UBXN4: variants seen among roughly 807,000 people sequenced by gnomAD.
The protein encoded by UBXN4 is UBX domain protein 4.
In UBXN4, 35 loss-of-function variants were observed where a neutral mutation model predicts 66.2. That is an observed-to-expected ratio of 0.53 (90% CI 0.40 to 0.70). UBXN4 has a LOEUF of 0.70. UBXN4 is among the 30% of genes least tolerant of loss of function. UBXN4 has a pLI of 0.00. For synonymous variants in UBXN4, 203 were observed against 204.5 expected (o/e 0.99, Z 0.06); for missense variants, 533 against 599.8 (o/e 0.89, Z 1.16).
chr2:135,743,630 A>G (rs1406305736), intron 1 of UBXN4, among the ~76,000 whole-genome samples: 3 of 152,220 alleles, frequency 2.0e-5, no homozygotes, highest in Non-Finnish European at 4.4e-5. Context: ...AAAAAACTGA[A>G]CAATTTGTAA....
chr2:135,745,134 C>T (rs148989256), intron 1 of UBXN4, among the ~76,000 whole-genome samples: 10 of 152,328 alleles, frequency 6.6e-5, no homozygotes, highest in Non-Finnish European at 1.0e-4. Flanking sequence ...GTGTTTCTCC[C>T]AGTGTTCTGC....
intron 6 of UBXN4, 130 bp downstream of exon 6, chr2:135,762,041 CCTAA>C (rs1391809596): frequency 1.1e-5 from 10 of 888,984 alleles, no homozygotes; most frequent in South Asian, 7.0e-5. Flanking sequence ...TTTTTGATCA[CCTAA>C]CTAATTTGTA....
intron 12 of UBXN4, among the ~76,000 whole-genome samples, chr2:135,780,657 C>T (rs1255259501): frequency 6.6e-6 from 1 of 152,152 alleles, no homozygotes; most frequent in African/African-American, 2.4e-5. Context: ...GTTTCTTTAC[C>T]CCATAACTAT....
At chr2:135,751,932 C>T (rs1050179448) in intron 2 of UBXN4, among the ~76,000 whole-genome samples, 4 of 152,164 alleles carry the variant, frequency 2.6e-5, no homozygotes, top group African/African-American at 9.7e-5. Flanking sequence ...CCATCCCTGA[C>T]CACTCAGCTC....
intron 6 of UBXN4, among the ~76,000 whole-genome samples, chr2:135,768,644 A>C (rs2077362242): frequency 6.6e-6 from 1 of 150,956 alleles, no homozygotes; most frequent in Non-Finnish European, 1.5e-5. Context: ...GCTCACTGCA[A>C]CTTCCGCCTC....
intron 1 of UBXN4, chr2:135,747,580 G>A: frequency 2.2e-6 from 1 of 456,404 alleles, no homozygotes; most frequent in South Asian, 1.5e-5. Context: ...AAATGCTGTG[G>A]AGTGGAGATG....
chr2:135,779,117 G>T, intron 11 of UBXN4, 38 bp downstream of exon 11: 1 of 1,537,852 alleles, frequency 6.5e-7, no homozygotes, highest in Non-Finnish European at 8.7e-7. Flanking sequence ...TCTTCTTATT[G>T]TTTTCTGTTT....
At chr2:135,776,802 CG>C (rs1374396413) in intron 10 of UBXN4, among the ~76,000 whole-genome samples, 6 of 152,294 alleles carry the variant, frequency 3.9e-5, no homozygotes, top group Admixed American at 3.3e-4. Context: ...ACCATGTAGC[CG>C]GGCTGGTCTT....
chr2:135,781,206 A>G (rs7605377), intron 12 of UBXN4, among the ~76,000 whole-genome samples: 148,504 of 152,360 alleles, frequency 0.97, 72,483 homozygotes, highest in East Asian at 1. Flanking sequence ...GTGACAGAGT[A>G]AGAGTGAGAT....
intron 6 of UBXN4, among the ~76,000 whole-genome samples, chr2:135,765,380 T>G (rs1455952240): frequency 6.6e-6 from 1 of 151,898 alleles, no homozygotes; most frequent in Non-Finnish European, 1.5e-5. Flanking sequence ...CGGCTAATTT[T>G]TATATTTTTA....
At chr2:135,759,940 G>A (rs1417987231) in intron 5 of UBXN4, among the ~76,000 whole-genome samples, 1 of 151,760 alleles carries the variant, frequency 6.6e-6, no homozygotes, top group African/African-American at 2.4e-5. Flanking sequence ...AGCTGATTTT[G>A]TATTTTTAGT....
intron 6 of UBXN4, 63 bp from the exon 7 acceptor site, chr2:135,769,706 A>G (rs1575321449): frequency 2.4e-6 from 3 of 1,237,370 alleles, no homozygotes; most frequent in South Asian, 1.5e-5. Context: ...TCCATCTCCT[A>G]AATGTGTTTT....
At chr2:135,742,951 G>C (rs533895298) in intron 1 of UBXN4, among the ~76,000 whole-genome samples, 26 of 152,198 alleles carry the variant, frequency 1.7e-4, no homozygotes, top group African/African-American at 6.3e-4. Context: ...AGGCTATTTT[G>C]CTCCATATTC....
intron 5 of UBXN4, among the ~76,000 whole-genome samples, chr2:135,757,341 ATTTC>A (rs1215587693): frequency 6.6e-6 from 1 of 152,144 alleles, no homozygotes; most frequent in East Asian, 1.9e-4. Flanking sequence ...TAGGATTTCT[ATTTC>A]TTTCTCTCTT....
At chr2:135,754,514 G>T (rs1215971921) in intron 4 of UBXN4, among the ~76,000 whole-genome samples, 1 of 152,024 alleles carries the variant, frequency 6.6e-6, no homozygotes, top group Admixed American at 6.6e-5. Flanking sequence ...GTAGAGACAG[G>T]GTTTCACCAT....
At position 135,784,591 on chromosome 2, in the gene UBXN4, A is replaced by ATT. The variant is rs2077471914; in HGVS notation, c.*1704_*1705insTT. The ATT allele has an allele frequency of 6.6e-6, 1 of 152,644 alleles. No individual in the cohort carries two copies. Among genetic ancestry groups the ATT allele is most frequent in the South Asian group, 2.1e-4 (1 of 4,834 alleles). 9.5% of individuals were successfully genotyped at this position (152,644 alleles called of 1,614,324 possible). On this transcript the variant is annotated 3_prime_UTR_variant, in exon 13 of 13. Coordinates refer to ENST00000272638, the MANE Select transcript of UBXN4 (RefSeq NM_014607.4). ...GTGATATTATTTCCATAACTTAAAAAGTGAGTTTGAAAAAGAAAATCTCCA... is the reference window on the plus strand; with the variant it reads ...GTGATATTATTTCCATAACTTAAAAATTGTGAGTTTGAAAAAGAAAATCTCCA...
At chr2:135,753,612 C>T in intron 3 of UBXN4, 45 bp downstream of exon 3, 1 of 1,391,628 alleles carries the variant, frequency 7.2e-7, no homozygotes, top group Non-Finnish European at 9.6e-7. Flanking sequence ...CATTTATTTA[C>T]CTTCCTTTTG....
At chr2:135,773,037 CAAAAAAAAA>C (rs78669415) in intron 9 of UBXN4, among the ~76,000 whole-genome samples, 1 of 80,030 alleles carries the variant, frequency 1.2e-5, no homozygotes, top group Non-Finnish European at 2.5e-5. Flanking sequence ...ACTCCGTCCC[CAAAAAAAAA>C]AAAAAAAAAA....
At chr2:135,745,117 T>G (rs1166686581) in intron 1 of UBXN4, among the ~76,000 whole-genome samples, 1 of 152,254 alleles carries the variant, frequency 6.6e-6, no homozygotes, top group Non-Finnish European at 1.5e-5. Flanking sequence ...AAGTGCTGCC[T>G]AAACCTGTGT....
Sources: allele counts gnomAD v4.1 joint callset (sites outside exome capture counted in the v4.1 genomes callset), GRCh38; gene constraint gnomAD v4.1.1; transcripts MANE v1.5; gene names NCBI Gene and HGNC (gene_info 2026-07-23, HGNC 2026-07-21).